Variants in ADAMTSL3 observed in about 807,000 individuals in gnomAD.
ADAMTSL3 encodes ADAMTS like 3, also known as ADAMTS-like protein 3.
In ADAMTSL3, 128 loss-of-function variants were observed where a neutral mutation model predicts 201.7. That is an observed-to-expected ratio of 0.63 (90% CI 0.55 to 0.73). ADAMTSL3 has a LOEUF of 0.73. Among genes scored for constraint, ADAMTSL3 ranks in the 30% least tolerant of loss-of-function variants. ADAMTSL3 has a pLI of 0.00. For synonymous variants in ADAMTSL3, 738 were observed against 748.4 expected, an observed-to-expected ratio of 0.99 and a Z score of 0.23; for missense variants, 1,990 against 2,119.6, an observed-to-expected ratio of 0.94 and a Z score of 1.20.
chr15:83,756,367 G>A (rs1314439454), intron 3 of ADAMTSL3, among the ~76,000 whole-genome samples: 1 of 152,182 alleles, frequency 6.6e-6, no homozygotes, highest in Non-Finnish European at 1.5e-5. Flanking sequence ...GAAGAGCAAA[G>A]GGACATCTTA....
intron 3 of ADAMTSL3, among the ~76,000 whole-genome samples, chr15:83,771,860 T>C (rs913294180): frequency 2.7e-5 from 3 of 110,978 alleles, no homozygotes; most frequent in African/African-American, 1.3e-4. Context: ...TTAGCTTTTT[T>C]TCTTTTTTTT....
At chr15:83,879,196 C>G (rs2065230696) in intron 9 of ADAMTSL3, among the ~76,000 whole-genome samples, 1 of 152,108 alleles carries the variant, frequency 6.6e-6, no homozygotes. Context: ...AGACATTTCG[C>G]AGAAACAACT....
chr15:83,949,579 C>A lies in ADAMTSL3; in HGVS notation c.2490+6497C>A, dbSNP rs926955918. Among the ~76,000 whole-genome samples, 3 of 151,922 alleles carry A rather than the reference C, an allele frequency of 2.0e-5. No individual in the cohort carries two copies. The South Asian group carries it at 6.2e-4, about 32-fold the overall frequency. On this transcript the variant is annotated intron_variant, in intron 19 of 29. Transcript: ENST00000286744. The stretch of plus-strand genomic sequence containing the variant: ...GCTCTATTTTTAGTTTTTTGAGGAA[C>A]CTCCAAACTGTTCTCCATAGTAGTT...
rs143428262 is a variant in ADAMTSL3, at chr15:83,783,069, G to A, written c.317+9419G>A. Among the ~76,000 whole-genome samples, 26 of 148,298 alleles carry A rather than the reference G, an allele frequency of 1.8e-4. No homozygotes were observed. The East Asian group carries it at 5.1e-3, about 29-fold the overall frequency. On this transcript the variant is annotated intron_variant, in intron 4 of 29. Transcript: ENST00000286744. ...TGTTTAGCGCAATATGTTTTCTGGA[G>A]TTTAAATGTATGTAGAACTTTAAAA...
chr15:83,819,426 T>G (rs2063821821), intron 5 of ADAMTSL3, among the ~76,000 whole-genome samples: 1 of 152,084 alleles, frequency 6.6e-6, no homozygotes, highest in Non-Finnish European at 1.5e-5. Flanking sequence ...CTGGAAAAAT[T>G]GAAAGCATTT....
At chr15:83,822,071 C>T (rs1443952264) in intron 6 of ADAMTSL3, among the ~76,000 whole-genome samples, 3 of 143,282 alleles carry the variant, frequency 2.1e-5, no homozygotes, top group Non-Finnish European at 3.1e-5. Flanking sequence ...CCAGTAGGGG[C>T]GGCCGGGCAG....
chr15:83,702,912 A>G (rs558258056), intron 2 of ADAMTSL3, among the ~76,000 whole-genome samples: 3 of 152,254 alleles, frequency 2.0e-5, no homozygotes, highest in African/African-American at 7.2e-5. Flanking sequence ...AGCTTGGACC[A>G]TGTTCCTCGA....
At chr15:83,811,460 GAACCT>G (rs528505498) in intron 5 of ADAMTSL3, among the ~76,000 whole-genome samples, 90 of 152,298 alleles carry the variant, frequency 5.9e-4, no homozygotes, top group Non-Finnish European at 1.1e-3. Context: ...TTCCAAAAAG[GAACCT>G]ATTATCAACA....
At chr15:83,676,898 C>G (rs963987991) in intron 2 of ADAMTSL3, among the ~76,000 whole-genome samples, 4 of 152,226 alleles carry the variant, frequency 2.6e-5, no homozygotes, top group Non-Finnish European at 2.9e-5. Flanking sequence ...CTTGCTGGAA[C>G]CATGATCTTG....
chr15:83,655,397 C>A (rs1366197855), intron 1 of ADAMTSL3, among the ~76,000 whole-genome samples: 3 of 152,208 alleles, frequency 2.0e-5, no homozygotes, highest in Non-Finnish European at 4.4e-5. Context: ...TAAACCTTGG[C>A]TCTGTGCTGG....
intron 3 of ADAMTSL3, among the ~76,000 whole-genome samples, chr15:83,761,337 A>T (rs2062806069): frequency 6.6e-6 from 1 of 152,196 alleles, no homozygotes; most frequent in African/African-American, 2.4e-5. Context: ...AATCCATTAT[A>T]ATTGCTGTTT....
intron 21 of ADAMTSL3, among the ~76,000 whole-genome samples, chr15:83,987,550 A>G (rs1297821984): frequency 1.3e-5 from 2 of 152,254 alleles, no homozygotes; most frequent in Non-Finnish European, 2.9e-5. Context: ...GAGACAGAAG[A>G]TAACTCTAGG....
At chr15:83,958,889 T>G (rs1206647492) in intron 19 of ADAMTSL3, among the ~76,000 whole-genome samples, 1 of 151,886 alleles carries the variant, frequency 6.6e-6, no homozygotes, top group African/African-American at 2.4e-5. Flanking sequence ...CAAGAATGAC[T>G]GGGCAGAGAA....
In ADAMTSL3 at chr15:83,878,998, T is replaced by C. The variant is rs540247036; in HGVS notation, c.961-6103T>C. ...ATTTTCTTATTTCTTATGTCCGTTT[T>C]GTTTCAATGAATTTGTCTATTTCAA... On this transcript the variant is annotated intron_variant, in intron 9 of 29. Transcript: ENST00000286744. Among the ~76,000 whole-genome samples the C allele has an allele frequency of 4.6e-5, 7 of 152,326 alleles. No individual in the cohort carries two copies. In the East Asian group the frequency reaches 9.6e-4, roughly 21 times the overall value.
At chr15:83,801,760 A>G (rs1270923619) in intron 4 of ADAMTSL3, among the ~76,000 whole-genome samples, 3 of 142,428 alleles carry the variant, frequency 2.1e-5, no homozygotes, top group African/African-American at 5.1e-5. Context: ...AGGGAGCTCC[A>G]GCCTCAGAAT....
intron 3 of ADAMTSL3, among the ~76,000 whole-genome samples, chr15:83,738,666 G>A (rs889443625): frequency 6.6e-6 from 1 of 151,890 alleles, no homozygotes; most frequent in South Asian, 2.1e-4. Context: ...GGCTGAGGTG[G>A]GTGGATCACT....
At chr15:83,883,956 G>A (rs564313105) in intron 9 of ADAMTSL3, among the ~76,000 whole-genome samples, 1 of 151,204 alleles carries the variant, frequency 6.6e-6, no homozygotes, top group South Asian at 2.1e-4. Context: ...GCAATGGTGC[G>A]ATCTCAGCTC....
chr15:83,717,148 AG>A (rs1490409157), intron 3 of ADAMTSL3, among the ~76,000 whole-genome samples: 3 of 152,198 alleles, frequency 2.0e-5, no homozygotes, highest in Non-Finnish European at 4.4e-5. Flanking sequence ...TGATAATAGC[AG>A]TAGTTTAAAG....
In ADAMTSL3 at chr15:83,714,850, TTCCC is replaced by T. The variant is rs369793230; in HGVS notation, c.189+10368_189+10371del. On this transcript the variant is annotated intron_variant, in intron 3 of 29. Coordinates refer to ENST00000286744, the MANE Select transcript of ADAMTSL3 (RefSeq NM_207517.3). ...TCTCTCTCTCTTTCTTTCTCTCTCT[TTCCC>T]TCCCTCCCTCCCTCCCTCCCTCCCT... 2.4e-4 allele frequency among the ~76,000 whole-genome samples: 12 copies of T among 51,000 alleles called. 1 individual carries two copies. Among genetic ancestry groups the T allele is most frequent in the Non-Finnish European group, 4.0e-4 (12 of 30,134 alleles). The allele number at this position is 51,000 out of a possible 152,430, so 33.5% of individuals were successfully genotyped here.
Sources: gnomAD v4.1 joint callset for allele counts (sites outside exome capture counted in the v4.1 genomes callset) on GRCh38, gnomAD v4.1.1 for gene constraint, MANE v1.5 for transcripts, NCBI Gene and HGNC (gene_info 2026-07-23, HGNC 2026-07-21) for gene names.